The following NBEA variants were observed in gnomAD, a reference collection of about 807,000 sequenced individuals.
NBEA encodes neurobeachin, also known as lysosomal-trafficking regulator 2.
In NBEA, 44 loss-of-function variants were observed where a neutral mutation model predicts 343.4. The observed-to-expected ratio is 0.13, with a 90% CI of 0.10 to 0.16. The LOEUF (loss-of-function observed/expected upper bound fraction) is 0.16, where lower values mean the gene tolerates loss of function less well. Among genes scored for constraint, NBEA ranks in the 10% least tolerant of loss-of-function variants. The pLI is 1.00. For synonymous variants in NBEA, 1,175 were observed against 1,238.7 expected (o/e 0.95, Z 1.08); for missense variants, 2,555 against 3,631.3 (o/e 0.70, Z 7.62).
intron 41 of NBEA, chr13:35,477,221 C>A (rs2075913081): frequency 1.2e-5 from 2 of 166,564 alleles, no homozygotes; most frequent in African/African-American, 4.8e-5. Flanking sequence ...TTTTCTCATT[C>A]TGGATGTTCC....
At chr13:35,169,508 C>T (rs952258581) in intron 25 of NBEA, among the ~76,000 whole-genome samples, 4 of 151,320 alleles carry the variant, frequency 2.6e-5, no homozygotes, top group African/African-American at 9.7e-5. Context: ...CTTAATAATT[C>T]TATTTATAAT....
intron 1 of NBEA, among the ~76,000 whole-genome samples, chr13:35,007,740 G>T (rs901997522): frequency 1.3e-5 from 2 of 152,116 alleles, no homozygotes; most frequent in South Asian, 2.1e-4. Flanking sequence ...CAATTTGCCC[G>T]CATTGGCCTC....
intron 18 of NBEA, among the ~76,000 whole-genome samples, chr13:35,152,003 T>A (rs1049896096): frequency 2.0e-5 from 3 of 152,116 alleles, no homozygotes; most frequent in African/African-American, 7.2e-5. Flanking sequence ...CACTTGTAAA[T>A]CTCAGCAATA....
chr13:35,311,615 A>T (rs952743828), intron 36 of NBEA, among the ~76,000 whole-genome samples: 1 of 152,156 alleles, frequency 6.6e-6, no homozygotes, highest in Non-Finnish European at 1.5e-5. Flanking sequence ...GCACTTTGGG[A>T]GGCCAAGTTG....
chr13:35,558,720 T>C (rs544997893), intron 44 of NBEA, among the ~76,000 whole-genome samples: 1 of 152,174 alleles, frequency 6.6e-6, no homozygotes, highest in African/African-American at 2.4e-5. Flanking sequence ...AGCCCTCTAG[T>C]TGGTTCTGAT....
chr13:35,568,330 A>G (rs2080230626), intron 45 of NBEA, among the ~76,000 whole-genome samples: 2 of 152,180 alleles, frequency 1.3e-5, no homozygotes, highest in South Asian at 2.1e-4. Flanking sequence ...CAGTTAGCCA[A>G]CATCTTACTG....
intron 35 of NBEA, among the ~76,000 whole-genome samples, chr13:35,308,118 C>T (rs1050390101): frequency 6.6e-6 from 1 of 151,810 alleles, no homozygotes; most frequent in African/African-American, 2.4e-5. Flanking sequence ...TTTATATACA[C>T]ACAAGTACCT....
intron 36 of NBEA, among the ~76,000 whole-genome samples, chr13:35,338,767 G>A (rs1404485532): frequency 1.3e-5 from 2 of 151,944 alleles, no homozygotes; most frequent in African/African-American, 2.4e-5. Flanking sequence ...GCAGATCTAC[G>A]TCAGCAATAT....
chr13:35,190,586 C>A (rs1043216577), intron 30 of NBEA, among the ~76,000 whole-genome samples: 5 of 152,052 alleles, frequency 3.3e-5, no homozygotes, highest in Non-Finnish European at 7.4e-5. Context: ...TAAGTGGCTG[C>A]AGATGATGGA....
intron 41 of NBEA, among the ~76,000 whole-genome samples, chr13:35,513,945 T>C (rs1316743021): frequency 1.3e-5 from 2 of 152,188 alleles, no homozygotes; most frequent in Admixed American, 1.3e-4. Flanking sequence ...TAACTATTTG[T>C]AACATATTCT....
intron 38 of NBEA, among the ~76,000 whole-genome samples, chr13:35,379,291 T>C (rs1406028558): frequency 1.3e-5 from 2 of 152,166 alleles, no homozygotes; most frequent in Non-Finnish European, 2.9e-5. Flanking sequence ...ATAGTGTTAG[T>C]GCATTTTCCT....
At chr13:35,245,648 A>G (rs2031072671) in intron 34 of NBEA, among the ~76,000 whole-genome samples, 1 of 152,170 alleles carries the variant, frequency 6.6e-6, no homozygotes, top group Non-Finnish European at 1.5e-5. Context: ...TTCTGCTGAG[A>G]AATCTGCTGT....
At chr13:35,467,125 T>C (rs1173313982) in intron 40 of NBEA, among the ~76,000 whole-genome samples, 3 of 152,180 alleles carry the variant, frequency 2.0e-5, no homozygotes, top group Non-Finnish European at 4.4e-5. Flanking sequence ...CATCTTATTA[T>C]TTATTTCTAT....
chr13:35,121,101 T>G (rs2066771402), intron 16 of NBEA, among the ~76,000 whole-genome samples: 1 of 151,690 alleles, frequency 6.6e-6, no homozygotes, highest in Non-Finnish European at 1.5e-5. Flanking sequence ...ACTGTGAGGG[T>G]TTTTTTTAAT....
intron 43 of NBEA, among the ~76,000 whole-genome samples, chr13:35,554,375 T>C (rs147367199): frequency 0.012 from 1,858 of 152,342 alleles, 34 homozygotes; most frequent in African/African-American, 0.041. Context: ...GATGAACACA[T>C]TGAACCTGGA....
chr13:35,665,872 C>T (rs995513546), intron 56 of NBEA, among the ~76,000 whole-genome samples: 15 of 152,304 alleles, frequency 9.8e-5, no homozygotes, highest in African/African-American at 3.1e-4. Context: ...AGGTGATCCA[C>T]CCACCTCAGC....
chr13:35,227,592 TTC>T, intron 33 of NBEA, among the ~76,000 whole-genome samples: 1 of 152,160 alleles, frequency 6.6e-6, no homozygotes, highest in African/African-American at 2.4e-5. Context: ...ATGTAATTAT[TTC>T]TTTTTGTTCT....
At position 35,157,216 on chromosome 13, in the gene NBEA, T is replaced by C. The variant is rs760937710; in HGVS notation, c.2790T>C (p.Tyr930=). Residue 930 remains tyrosine (Y), a synonymous_variant, in exon 21 of 59, where the codon TAT becomes TAC. Transcript: ENST00000379939. ...FRILLYHAIK[Y]EWGGWRVWVD... The stretch of plus-strand genomic sequence containing the variant: ...TTCTTTTGTATCATGCAATAAAATA[T>C]GAATGGGGAGGCTGGAGAGTCTGGG... 17 of 1,608,880 alleles carry C rather than the reference T, an allele frequency of 1.1e-5. 1 individual carries two copies. The Admixed American group carries it at 2.2e-4, about 21-fold the overall frequency.
intron 10 of NBEA, among the ~76,000 whole-genome samples, chr13:35,073,140 G>C (rs540908727): frequency 5.3e-5 from 8 of 152,228 alleles, no homozygotes; most frequent in African/African-American, 1.9e-4. Context: ...CTGTGATTTT[G>C]CAAGCTGTTA....
Sources: gnomAD v4.1 joint callset for allele counts (sites outside exome capture counted in the v4.1 genomes callset) on GRCh38, gnomAD v4.1.1 for gene constraint, MANE v1.5 for transcripts, NCBI Gene and HGNC (gene_info 2026-07-23, HGNC 2026-07-21) for gene names.